FBN2: variants seen among roughly 807,000 people sequenced by gnomAD.
FBN2 encodes fibrillin 2.
FBN2 carries 105 observed loss-of-function variants against 355.6 expected under a neutral mutation model. The observed-to-expected ratio is 0.30, with a 90% CI of 0.25 to 0.35. The LOEUF is 0.35. Among genes scored for constraint, FBN2 ranks in the 10% least tolerant of loss-of-function variants. The pLI, the probability that FBN2 is intolerant of heterozygous loss-of-function variation, is 1.00. For synonymous variants in FBN2, 1,350 were observed against 1,301.2 expected (o/e 1.04, Z -0.81); for missense variants, 3,280 against 3,758.7 (o/e 0.87, Z 3.33).
intron 10 of FBN2, among the ~76,000 whole-genome samples, chr5:128,392,357 A>G (rs550934290): frequency 6.6e-6 from 1 of 152,364 alleles, no homozygotes; most frequent in Non-Finnish European, 1.5e-5. Flanking sequence ...GTTAAGTTAC[A>G]GATCTGAAAA....
chr5:128,310,092 A>G lies in FBN2; in HGVS notation c.5091T>C (p.Phe1697=). Residue 1697 remains phenylalanine (F), a synonymous_variant, in exon 40 of 65, where the codon TTT becomes TTC. Coordinates refer to ENST00000262464, the MANE Select transcript of FBN2 (RefSeq NM_001999.4). ...CAGGCCCACACACACCAGGATGTGC[A>G]AAACACTCATCAATATCTAGAGTAG... ...TRICEDIDEC[F]AHPGVCGPGT... The G allele has an allele frequency of 1.2e-6, 2 of 1,613,062 alleles. No individual in the cohort carries two copies. The highest frequency in any genetic ancestry group is 4.5e-5 in the East Asian group (2 of 44,870).
chr5:128,372,825 C>G (rs966342303), intron 15 of FBN2, among the ~76,000 whole-genome samples: 2 of 152,044 alleles, frequency 1.3e-5, no homozygotes, highest in African/African-American at 4.8e-5. Flanking sequence ...TAGGGTTTTA[C>G]CATGATGGCC....
intron 34 of FBN2, among the ~76,000 whole-genome samples, chr5:128,319,917 T>C (rs1364629938): frequency 6.6e-6 from 1 of 152,208 alleles, no homozygotes; most frequent in Non-Finnish European, 1.5e-5. Flanking sequence ...AGGCACGTCA[T>C]TTTAGGCTAG....
At chr5:128,528,605 T>G (rs1756628527) in intron 3 of FBN2, among the ~76,000 whole-genome samples, 1 of 151,874 alleles carries the variant, frequency 6.6e-6, no homozygotes, top group Admixed American at 6.6e-5. Context: ...TGGTAAAAGG[T>G]TTCTTCTGAA....
intron 5 of FBN2, among the ~76,000 whole-genome samples, chr5:128,504,763 T>G (rs2127144586): frequency 6.6e-6 from 1 of 152,300 alleles, no homozygotes; most frequent in African/African-American, 2.4e-5. Context: ...ACTTTTAGGT[T>G]AATGCTAGAA....
In FBN2 at chr5:128,537,825, C is replaced by G. The variant is rs1367952509; in HGVS notation, c.-222G>C. 3.4e-6 allele frequency: 2 copies of G among 596,172 alleles called. No individual in the cohort carries two copies. Among genetic ancestry groups the G allele is most frequent in the East Asian group, 2.8e-5 (1 of 35,616 alleles). 36.9% of individuals were successfully genotyped at this position (596,172 alleles called of 1,614,324 possible). On this transcript the variant is annotated 5_prime_UTR_variant, in exon 1 of 65. Transcript: ENST00000262464. ...GGGGCGCCGGGTCTAGCGCAGTGAG[C>G]GGCGAGGCGCGGCGGAGGTGCAGCC...
At chr5:128,421,979 T>A (rs1375259747) in intron 7 of FBN2, among the ~76,000 whole-genome samples, 2 of 152,138 alleles carry the variant, frequency 1.3e-5, no homozygotes, top group Non-Finnish European at 2.9e-5. Context: ...AACAAGGAAA[T>A]AGAGTGTCAG....
rs1754551076 is a variant in FBN2 at position 128,461,425 on chromosome 5, T to C, written c.826+3299A>G. 1.3e-5 allele frequency among the ~76,000 whole-genome samples: 2 copies of C among 152,210 alleles called. 1 individual carries two copies. Among genetic ancestry groups the C allele is most frequent in the Admixed American group, 1.3e-4 (2 of 15,284 alleles). The stretch of plus-strand genomic sequence containing the variant: ...GTGGAAATATAAATTAGTTCAACCA[T>C]TGTGGAAGACAGTATGGCGATTCCT... On this transcript the variant is annotated intron_variant, in intron 6 of 64. Coordinates refer to ENST00000262464, the MANE Select transcript of FBN2 (RefSeq NM_001999.4).
At chr5:128,483,855 T>A (rs781627063) in intron 5 of FBN2, among the ~76,000 whole-genome samples, 15 of 152,158 alleles carry the variant, frequency 9.9e-5, no homozygotes, top group African/African-American at 3.6e-4. Flanking sequence ...AAAAGCATAA[T>A]CCTCTTTATA....
chr5:128,314,373 TG>T (rs777032056), intron 36 of FBN2, among the ~76,000 whole-genome samples: 32 of 152,050 alleles, frequency 2.1e-4, no homozygotes, highest in Non-Finnish European at 3.5e-4. Flanking sequence ...GTTGCCAAGC[TG>T]GAGTACAGTG....
intron 7 of FBN2, among the ~76,000 whole-genome samples, chr5:128,429,446 A>G (rs1380115963): frequency 1.3e-5 from 2 of 152,200 alleles, no homozygotes; most frequent in African/African-American, 4.8e-5. Flanking sequence ...AGAGGAACAG[A>G]TTTGAGAATA....
At chr5:128,393,654 T>C (rs530085094) in intron 9 of FBN2, among the ~76,000 whole-genome samples, 2 of 152,376 alleles carry the variant, frequency 1.3e-5, no homozygotes, top group South Asian at 2.1e-4. Context: ...ACTCATAAAA[T>C]TCCAGACATA....
chr5:128,356,621 C>T (rs1470550309), intron 20 of FBN2, among the ~76,000 whole-genome samples: 2 of 152,206 alleles, frequency 1.3e-5, no homozygotes, highest in South Asian at 2.1e-4. Context: ...TTCCCTTTTA[C>T]GTGCTGGATT....
At position 128,519,290 on chromosome 5, in the gene FBN2, CCAGTGAACCCATAAA is replaced by C; in HGVS notation, c.596_610del (p.Val199_Thr203del). ...CTTCTTACCTCTTTCACACTGTGGACCAGTGAACCCATAAACACAAGCACAGCGGTTGGGTCCGAT... is the reference window on the plus strand; with the variant it reads ...CTTCTTACCTCTTTCACACTGTGGACCACAAGCACAGCGGTTGGGTCCGAT... On this transcript the variant is annotated inframe_deletion, in exon 5 of 65. Transcript: ENST00000262464. 1 of 1,612,428 alleles carries C rather than the reference CCAGTGAACCCATAAA, an allele frequency of 6.2e-7. No individual in the cohort carries two copies.
At chr5:128,472,481 A>C (rs1754887641) in intron 5 of FBN2, among the ~76,000 whole-genome samples, 1 of 152,146 alleles carries the variant, frequency 6.6e-6, no homozygotes, top group African/African-American at 2.4e-5. Flanking sequence ...ATGTACTTCA[A>C]GCCCCTGAAC....
In FBN2 at chr5:128,319,590, T is replaced by C. The variant is rs920525304; in HGVS notation, c.4472-589A>G. ...CCTTTTTATTTTGTAATCTTATCTG[T>C]TATTATAAAGCAGTTTTAAACAGAG... On this transcript the variant is annotated intron_variant, in intron 34 of 64. Transcript: ENST00000262464. Among the ~76,000 whole-genome samples, 3 of 152,074 alleles carry C rather than the reference T, an allele frequency of 2.0e-5. No homozygotes were observed. The East Asian group carries it at 5.8e-4, about 29-fold the overall frequency.
chr5:128,389,746 C>A (rs149318506), intron 11 of FBN2, among the ~76,000 whole-genome samples: 1 of 152,138 alleles, frequency 6.6e-6, no homozygotes, highest in Non-Finnish European at 1.5e-5. Context: ...TTCCAGAGAC[C>A]CCTGCAAAGA....
In FBN2 at chr5:128,268,934, G is replaced by T. The variant is rs1269210690; in HGVS notation, c.7960+3065C>A. On this transcript the variant is annotated intron_variant, in intron 62 of 64. Coordinates refer to ENST00000262464, the MANE Select transcript of FBN2 (RefSeq NM_001999.4). ...TCAATATCATATTGAATGGGCAGAA[G>T]CTGGAAGCATTCCCTTTGAAAACTG... Among the ~76,000 whole-genome samples, 10 of 152,252 alleles carry T rather than the reference G, an allele frequency of 6.6e-5. 1 individual carries two copies. The highest frequency in any genetic ancestry group is 1.5e-5 in the Non-Finnish European group (1 of 68,010).
At chr5:128,371,033 C>T (rs544186450) in intron 15 of FBN2, 2 of 152,126 alleles carry the variant, frequency 1.3e-5, no homozygotes, top group Admixed American at 1.3e-4. Context: ...AAGCACACTG[C>T]CTAGGACACA....
Sources: allele counts gnomAD v4.1 joint callset (sites outside exome capture counted in the v4.1 genomes callset), GRCh38; gene constraint gnomAD v4.1.1; transcripts MANE v1.5; gene names NCBI Gene and HGNC (gene_info 2026-07-23, HGNC 2026-07-21).